Variants in TTC7B observed in about 807,000 individuals in gnomAD.
TTC7B encodes the protein tetratricopeptide repeat domain 7B, also known as tetratricopeptide repeat protein 7B.
TTC7B carries 28 observed loss-of-function variants against 106.8 expected under a neutral mutation model. The observed-to-expected ratio is 0.26, with a 90% CI of 0.19 to 0.36. The LOEUF (loss-of-function observed/expected upper bound fraction) is 0.36, where lower values mean the gene tolerates loss of function less well. Ranked by LOEUF, TTC7B falls within the 10% of genes least tolerant of loss-of-function variation. The pLI, the probability that TTC7B is intolerant of heterozygous loss-of-function variation, is 1.00. For missense variants in TTC7B, 862 were observed against 1,076.4 expected, an observed-to-expected ratio of 0.80 and a Z score of 2.79; for synonymous variants, 405 against 430.6, an observed-to-expected ratio of 0.94 and a Z score of 0.74.
intron 3 of TTC7B, among the ~76,000 whole-genome samples, chr14:90,760,242 G>C (rs1240916229): frequency 2.6e-5 from 4 of 152,158 alleles, no homozygotes; most frequent in Non-Finnish European, 5.9e-5. Context: ...TGGCCTGGCA[G>C]GGGTGAGGGC....
At position 90,623,671 on chromosome 14, in the gene TTC7B, C is replaced by T. The variant is rs562284130; in HGVS notation, c.1752-5626G>A. The stretch of plus-strand genomic sequence containing the variant: ...TTGAGTAGGGCTGCAGGTGAGCAGG[C>T]GTTTGGGCTACCAGGGTGTTGCTCC... On this transcript the variant is annotated intron_variant, in intron 15 of 19. Transcript: ENST00000328459. Among the ~76,000 whole-genome samples the T allele has an allele frequency of 6.6e-5, 10 of 152,312 alleles. No homozygotes were observed. In the East Asian group the frequency reaches 7.7e-4, roughly 12 times the overall value.
chr14:90,676,315 GGT>G (rs1399417188), intron 9 of TTC7B: 4 of 433,704 alleles, frequency 9.2e-6, no homozygotes, highest in African/African-American at 6.0e-5. Context: ...GAACTCTCAT[GGT>G]AAAAGACTAG....
chr14:90,658,198 CG>C, intron 10 of TTC7B, 105 bp downstream of exon 10: 1 of 980,228 alleles, frequency 1.0e-6, no homozygotes, highest in South Asian at 1.5e-5. Context: ...CAGAGTGGCT[CG>C]AAAGACTTCC....
chr14:90,561,756 G>A (rs1319475660), intron 19 of TTC7B, among the ~76,000 whole-genome samples: 1 of 152,194 alleles, frequency 6.6e-6, no homozygotes, highest in African/African-American at 2.4e-5. Context: ...ACGGTGGCTT[G>A]GTGGACATCA....
chr14:90,634,165 C>T (rs919563667), intron 15 of TTC7B, among the ~76,000 whole-genome samples: 10 of 152,190 alleles, frequency 6.6e-5, no homozygotes, highest in African/African-American at 2.4e-4. Context: ...GCATGAGCCA[C>T]CGCGCCTGGC....
intron 6 of TTC7B, among the ~76,000 whole-genome samples, chr14:90,694,205 T>G (rs1429257913): frequency 2.0e-5 from 3 of 152,062 alleles, no homozygotes; most frequent in Non-Finnish European, 4.4e-5. Flanking sequence ...GCGATTGCAC[T>G]CCAACCTGGG....
At chr14:90,621,117 T>TG (rs1231568793) in intron 15 of TTC7B, among the ~76,000 whole-genome samples, 2 of 148,808 alleles carry the variant, frequency 1.3e-5, no homozygotes, top group African/African-American at 5.2e-5. Context: ...GCTGGGATGA[T>TG]GGGCAGAGGC....
At chr14:90,705,573 A>G (rs1339626970) in intron 5 of TTC7B, among the ~76,000 whole-genome samples, 2 of 152,166 alleles carry the variant, frequency 1.3e-5, no homozygotes, top group Admixed American at 6.5e-5. Flanking sequence ...TCGATAAAAT[A>G]TAGATACCGA....
chr14:90,645,588 A>G (rs1282226136), intron 14 of TTC7B, among the ~76,000 whole-genome samples: 1 of 152,070 alleles, frequency 6.6e-6, no homozygotes, highest in Admixed American at 6.5e-5. Flanking sequence ...GGCTCCATTT[A>G]CTCATCCTTC....
intron 9 of TTC7B, among the ~76,000 whole-genome samples, chr14:90,675,675 A>G (rs1886804278): frequency 6.6e-6 from 1 of 152,160 alleles, no homozygotes; most frequent in South Asian, 2.1e-4. Context: ...TGAGTCGGGC[A>G]CTTATCTGAT....
At chr14:90,739,040 AAC>A (rs1889657467) in intron 4 of TTC7B, among the ~76,000 whole-genome samples, 1 of 152,142 alleles carries the variant, frequency 6.6e-6, no homozygotes, top group Non-Finnish European at 1.5e-5. Flanking sequence ...ACAACAAAAA[AAC>A]ACAGACAGGA....
At chr14:90,699,636 A>G (rs75570983) in intron 5 of TTC7B, among the ~76,000 whole-genome samples, 3,143 of 152,334 alleles carry the variant, frequency 0.021, 50 homozygotes, top group Non-Finnish European at 0.033. Flanking sequence ...GTGGCTGAGA[A>G]TCTTATAACT....
Position 90,525,124 on chromosome 14 carries a change from G to C in TTC7B, c.*16244C>G, listed in dbSNP as rs1156983880. On this transcript the variant is annotated 3_prime_UTR_variant, in exon 20 of 20. Coordinates refer to ENST00000328459, the MANE Select transcript of TTC7B (RefSeq NM_001010854.2). ...TCCACCCCCAAGTCTCCTTGCCCCA[G>C]GCGCAATCACGGGTCTGCTTTCCCT... 6.8e-6 allele frequency: 1 copy of C among 147,220 alleles called. No homozygotes were observed. The highest frequency in any genetic ancestry group is 1.5e-5 in the Non-Finnish European group (1 of 67,352). The allele number at this position is 147,220 out of a possible 1,614,324, so 9.1% of individuals were successfully genotyped here.
At chr14:90,651,948 A>G (rs1885736904) in intron 13 of TTC7B, among the ~76,000 whole-genome samples, 1 of 152,268 alleles carries the variant, frequency 6.6e-6, no homozygotes, top group Non-Finnish European at 1.5e-5. Context: ...TTTCTAATAC[A>G]GTTCCAAGAA....
At position 90,610,834 on chromosome 14, in the gene TTC7B, G is replaced by T; in HGVS notation, c.1874C>A (p.Ser625Tyr). The change falls in exon 17 of 20, where the codon TCT becomes TAT. Residue 625 changes from serine (S) to tyrosine (Y), a missense_variant. By Grantham distance (144) the Ser-to-Tyr change is moderately radical. Transcript: ENST00000328459. ...SCYNLTNPSD[S>Y]GRGSSLLDRT... is the part of the protein sequence containing the mutation. ...ATCTAAGAGGCTGCTCCCACGTCCA[G>T]AATCACTGCAAAACACAGCTACAAA... The T allele has an allele frequency of 1.9e-6, 3 of 1,612,580 alleles. No homozygotes were observed. The highest frequency in any genetic ancestry group is 2.5e-6 in the Non-Finnish European group (3 of 1,178,620).
At chr14:90,555,960 G>A (rs934627316) in intron 19 of TTC7B, among the ~76,000 whole-genome samples, 1 of 152,228 alleles carries the variant, frequency 6.6e-6, no homozygotes, top group African/African-American at 2.4e-5. Flanking sequence ...CCGGTGCCCC[G>A]GGGTCCACAT....
rs1355523802 is a variant in TTC7B, at chr14:90,807,670, A to T, written c.121+8505T>A. ...TGCTAACCATTGTGGTTCAGAGCAA[A>T]GGCTCCCACACTTGCCTACTCAAAC... On this transcript the variant is annotated intron_variant, in intron 1 of 19. Coordinates refer to ENST00000328459, the MANE Select transcript of TTC7B (RefSeq NM_001010854.2). The surrounding 1 kb of genome is among the most constrained non-coding windows in gnomAD (Gnocchi z 4.1). 6.6e-6 allele frequency among the ~76,000 whole-genome samples: 1 copy of T among 152,220 alleles called. No homozygotes were observed. The highest frequency in any genetic ancestry group is 1.5e-5 in the Non-Finnish European group (1 of 68,046).
Position 90,647,371 on chromosome 14 carries a change from G to A in TTC7B, c.1518-348C>T, listed in dbSNP as rs554486145. ...GGTCTCTGTGTCGTGCTGGGACGCAGTGAAGCCATGTGTGCACTTGGCAAG... is the reference window on the plus strand; with the variant it reads ...GGTCTCTGTGTCGTGCTGGGACGCAATGAAGCCATGTGTGCACTTGGCAAG... On this transcript the variant is annotated intron_variant, in intron 13 of 19. Transcript: ENST00000328459. 17 of 198,094 alleles carry A rather than the reference G, an allele frequency of 8.6e-5. 2 individuals are homozygous for A. In the South Asian group the frequency reaches 1.8e-3, roughly 21 times the overall value. The allele number at this position is 198,094 out of a possible 1,614,324, so 12.3% of individuals were successfully genotyped here.
intron 1 of TTC7B, among the ~76,000 whole-genome samples, chr14:90,815,544 A>G (rs537899372): frequency 5.3e-5 from 8 of 151,690 alleles, no homozygotes; most frequent in Admixed American, 4.6e-4. Flanking sequence ...TTTCTCCTCT[A>G]TTCCCAACCC....
Sources: gnomAD v4.1 joint callset for allele counts (sites outside exome capture counted in the v4.1 genomes callset) on GRCh38, gnomAD v4.1.1 for gene constraint, Gnocchi (gnomAD v3.1) non-coding constraint, MANE v1.5 for transcripts, NCBI Gene and HGNC (gene_info 2026-07-23, HGNC 2026-07-21) for gene names.